Variants in CACNB4 observed in about 807,000 individuals in gnomAD.
CACNB4 encodes the protein calcium voltage-gated channel auxiliary subunit beta 4.
A neutral mutation model predicts 71.2 loss-of-function variants in CACNB4; 32 were observed. The ratio of observed to expected loss-of-function variants is 0.45; its 90% confidence interval spans 0.34 to 0.60. CACNB4 has a LOEUF of 0.60. Ranked by LOEUF, CACNB4 falls within the 20% of genes least tolerant of loss-of-function variation. The pLI is 0.01. For missense variants in CACNB4, 464 were observed against 647.9 expected, an observed-to-expected ratio of 0.72 and a Z score of 3.08; for synonymous variants, 231 against 236.9, an observed-to-expected ratio of 0.97 and a Z score of 0.23.
At chr2:151,949,018 C>CT (rs1017106168) in intron 2 of CACNB4, among the ~76,000 whole-genome samples, 4 of 151,842 alleles carry the variant, frequency 2.6e-5, no homozygotes, top group African/African-American at 9.7e-5. Flanking sequence ...TGCTTGCTCT[C>CT]TTTTTTGGTT....
intron 2 of CACNB4, among the ~76,000 whole-genome samples, chr2:152,012,092 A>G (rs1030270188): frequency 2.2e-5 from 1 of 45,380 alleles, no homozygotes; most frequent in Non-Finnish European, 5.0e-5. Context: ...TACTCCTTCT[A>G]TTTATTAAAA....
At chr2:151,980,767 T>C (rs2099874579) in intron 2 of CACNB4, among the ~76,000 whole-genome samples, 1 of 152,216 alleles carries the variant, frequency 6.6e-6, no homozygotes, top group Non-Finnish European at 1.5e-5. Flanking sequence ...CATGTCCTGA[T>C]TGGGACACAA....
At chr2:151,971,731 A>C (rs2099872605) in intron 2 of CACNB4, 5 of 646,748 alleles carry the variant, frequency 7.7e-6, no homozygotes, top group Non-Finnish European at 1.4e-5. Flanking sequence ...AACTCAAATG[A>C]GCATTCAGAG....
chr2:152,009,015 A>G (rs1257103780), intron 2 of CACNB4, among the ~76,000 whole-genome samples: 1 of 152,078 alleles, frequency 6.6e-6, no homozygotes, highest in Middle Eastern at 3.2e-3. Flanking sequence ...AACCACCACC[A>G]TCAGGCCTTT....
At chr2:151,881,742 A>T (rs1322476416) in intron 3 of CACNB4, among the ~76,000 whole-genome samples, 1 of 152,242 alleles carries the variant, frequency 6.6e-6, no homozygotes, top group African/African-American at 2.4e-5. Flanking sequence ...ACTGGGGAAC[A>T]GCAGTTAAGG....
chr2:152,045,527 C>CA (rs1685101972), intron 2 of CACNB4, among the ~76,000 whole-genome samples: 1 of 151,704 alleles, frequency 6.6e-6, no homozygotes, highest in Non-Finnish European at 1.5e-5. Context: ...GGAGGAGGAG[C>CA]AAAAATTCTG....
intron 2 of CACNB4, chr2:151,973,890 CCA>C: frequency 7.0e-7 from 1 of 1,435,332 alleles, no homozygotes; most frequent in Non-Finnish European, 9.1e-7. Flanking sequence ...GAGGTTATCC[CCA>C]GAGGCAGTCC....
Position 152,050,725 on chromosome 2 carries a change from T to A in CACNB4, c.147+47605A>T, listed in dbSNP as rs541154229. ...AGCAAGACTCTGTCTCTAAAAAAAA[T>A]TTTTTTTTAATGCAGGCATATCCAC... On this transcript the variant is annotated intron_variant, in intron 2 of 13. Coordinates refer to ENST00000539935, the MANE Select transcript of CACNB4 (RefSeq NM_000726.5). Among the ~76,000 whole-genome samples the A allele has an allele frequency of 1.5e-4, 22 of 151,072 alleles. No homozygotes were observed. In the South Asian group the frequency reaches 1.7e-3, roughly 12 times the overall value.
chr2:151,889,131 A>G (rs2099850105), intron 2 of CACNB4, among the ~76,000 whole-genome samples: 1 of 152,174 alleles, frequency 6.6e-6, no homozygotes, highest in South Asian at 2.1e-4. Context: ...TCCCTTCTGG[A>G]TTAGATAAAC....
At chr2:151,839,441 A>G in intron 13 of CACNB4, 62 bp from the exon 14 acceptor site, 1 of 1,308,298 alleles carries the variant, frequency 7.6e-7, no homozygotes, top group Non-Finnish European at 1.1e-6. Context: ...AAACATGTAA[A>G]TGTATGTAAA....
chr2:152,071,853 C>G (rs1179436209), intron 2 of CACNB4, among the ~76,000 whole-genome samples: 1 of 152,072 alleles, frequency 6.6e-6, no homozygotes, highest in Non-Finnish European at 1.5e-5. Context: ...GCAAATATAC[C>G]AGAGCCAGGC....
chr2:151,971,739 G>C (rs1030711188), intron 2 of CACNB4: 1 of 642,482 alleles, frequency 1.6e-6, no homozygotes, highest in African/African-American at 1.8e-5. Context: ...TGAGCATTCA[G>C]AGTCAGTTCA....
chr2:151,870,482 C>T lies in CACNB4; in HGVS notation c.699+49G>A, dbSNP rs76428384. 19 of 1,472,698 alleles carry T rather than the reference C, an allele frequency of 1.3e-5. No individual in the cohort carries two copies. The African/African-American group carries it at 2.6e-4, about 20-fold the overall frequency. The allele number at this position is 1,472,698 out of a possible 1,614,324, so 91.2% of individuals were successfully genotyped here. A position where few individuals can be genotyped will look rare whatever the true frequency, so the allele number is the denominator to read the frequency against. On this transcript the variant is annotated intron_variant, in intron 8 of 13. Coordinates refer to ENST00000539935, the MANE Select transcript of CACNB4 (RefSeq NM_000726.5). Reference sequence around the variant, plus strand: ...GAGGAGCAAGCGTCAACATGACTGTCTCCTGGGTGCTCGATCAAGAACTGA... The same window carrying T: ...GAGGAGCAAGCGTCAACATGACTGTTTCCTGGGTGCTCGATCAAGAACTGA...
At chr2:152,015,322 G>A (rs959217809) in intron 2 of CACNB4, among the ~76,000 whole-genome samples, 4 of 152,014 alleles carry the variant, frequency 2.6e-5, no homozygotes, top group African/African-American at 7.3e-5. Flanking sequence ...TAGTAGAGAC[G>A]GGGTTTCACT....
chr2:152,098,583 C>CCCCCCA lies in CACNB4; in HGVS notation c.64-171_64-170insTGGGGG. ...AATACAGCCCCCACCCCCACCCACC[C>CCCCCCA]ACTGCAAGCCTCGACTGCTGAAAAG... On this transcript the variant is annotated intron_variant, in intron 1 of 13. Coordinates refer to ENST00000539935, the MANE Select transcript of CACNB4 (RefSeq NM_000726.5). The surrounding 1 kb of genome is among the most constrained non-coding windows in gnomAD (Gnocchi z 5.3). The CCCCCCA allele has an allele frequency of 9.8e-7, 1 of 1,018,184 alleles. No homozygotes were observed. The allele number at this position is 1,018,184 out of a possible 1,614,324, so 63.1% of individuals were successfully genotyped here.
intron 2 of CACNB4, among the ~76,000 whole-genome samples, chr2:151,954,428 G>A (rs2099867667): frequency 6.6e-6 from 1 of 152,200 alleles, no homozygotes; most frequent in South Asian, 2.1e-4. Flanking sequence ...AGATTTTATA[G>A]AGAAATTTTC....
At chr2:152,013,574 C>CT (rs1683179419) in intron 2 of CACNB4, among the ~76,000 whole-genome samples, 2 of 152,206 alleles carry the variant, frequency 1.3e-5, no homozygotes, top group South Asian at 4.1e-4. Flanking sequence ...CAGAGAGGCT[C>CT]TGCAGAGGGG....
intron 9 of CACNB4, 117 bp from the exon 10 acceptor site, chr2:151,860,937 A>T (rs1196312550): frequency 3.0e-6 from 2 of 674,986 alleles, no homozygotes; most frequent in Non-Finnish European, 5.3e-6. Flanking sequence ...ACCACAGTAT[A>T]ACAAACATTG....
intron 2 of CACNB4, among the ~76,000 whole-genome samples, chr2:151,949,196 T>C (rs76136447): frequency 4.4e-4 from 61 of 137,132 alleles, no homozygotes; most frequent in African/African-American, 1.6e-3. Context: ...AATAAATAGG[T>C]AACAAAAAAA....
Sources: gnomAD v4.1 joint callset for allele counts (sites outside exome capture counted in the v4.1 genomes callset) on GRCh38, gnomAD v4.1.1 for gene constraint, Gnocchi (gnomAD v3.1) non-coding constraint, MANE v1.5 for transcripts, NCBI Gene and HGNC (gene_info 2026-07-23, HGNC 2026-07-21) for gene names.